ZBTB7C: variants seen among roughly 807,000 people sequenced by gnomAD.
ZBTB7C encodes the protein zinc finger and BTB domain containing 7C.
Under a neutral mutation model 25.7 loss-of-function variants are expected in ZBTB7C, and 8 were observed. The ratio of observed to expected loss-of-function variants is 0.31; its 90% CI spans 0.18 to 0.56. ZBTB7C has a LOEUF of 0.56. Among genes scored for constraint, ZBTB7C ranks in the 20% least tolerant of loss-of-function variants. The pLI is 0.91. For synonymous variants in ZBTB7C, 394 were observed against 369.0 expected (o/e 1.07, Z -0.78); for missense variants, 824 against 855.2 (o/e 0.96, Z 0.46).
intron 2 of ZBTB7C, among the ~76,000 whole-genome samples, chr18:48,322,076 C>A (rs545930911): frequency 4.0e-4 from 61 of 152,320 alleles, no homozygotes; most frequent in African/African-American, 1.4e-3. Flanking sequence ...CCTGCATAGC[C>A]CCAAACAAGA....
chr18:48,050,730 AG>A (rs2144242747), intron 3 of ZBTB7C, among the ~76,000 whole-genome samples: 1 of 152,172 alleles, frequency 6.6e-6, no homozygotes, highest in East Asian at 1.9e-4. Context: ...TTCTCATCCC[AG>A]TCACAGACAG....
rs941256667 is a variant in ZBTB7C at position 48,029,832 on chromosome 18, C to T, written c.1288G>A (p.Val430Met). ...TGGTTCTTGAGGTCGTAGTTGTGCA[C>T]GAACTTGGCGTTGCAGTGGATGCAC... is the stretch of plus-strand genomic sequence containing the variant. ...YLCIHCNAKF[V>M]HNYDLKNHMR... is the part of the protein sequence containing the mutation. The change falls in exon 5 of 5, where the codon GTG (valine) becomes ATG (methionine). Residue 430 changes from valine to methionine, a missense_variant. Physicochemically the swap from Val to Met is conservative, Grantham distance 21. Transcript: ENST00000590800. 2 of 1,610,004 alleles carry T rather than the reference C, an allele frequency of 1.2e-6. No individual in the cohort carries two copies. The highest frequency in any genetic ancestry group is 1.7e-6 in the Non-Finnish European group (2 of 1,180,000).
At chr18:48,166,673 G>A (rs76756216) in intron 3 of ZBTB7C, among the ~76,000 whole-genome samples, 2,457 of 152,292 alleles carry the variant, frequency 0.016, 47 homozygotes, top group African/African-American at 0.051. Flanking sequence ...GGAGTTTCCA[G>A]CAGGGAGACG....
intron 3 of ZBTB7C, chr18:48,136,941 C>T (rs1480699811): frequency 3.1e-6 from 3 of 973,888 alleles, no homozygotes; most frequent in African/African-American, 1.8e-5. Flanking sequence ...CCCCACGGCC[C>T]GGCCGCTGGG....
chr18:48,356,063 A>G (rs1298694570), intron 1 of ZBTB7C, among the ~76,000 whole-genome samples: 1 of 48 alleles, frequency 0.021, no homozygotes, highest in Non-Finnish European at 0.036. Context: ...GGTGGGGCCC[A>G]GCACCTGTTT....
At chr18:48,296,068 C>G (rs1292467451) in intron 2 of ZBTB7C, among the ~76,000 whole-genome samples, 2 of 152,224 alleles carry the variant, frequency 1.3e-5, no homozygotes, top group African/African-American at 4.8e-5. Context: ...CAGAGAGTTC[C>G]CTCCTGGGGC....
At chr18:48,242,557 A>G (rs2043558063) in intron 2 of ZBTB7C, among the ~76,000 whole-genome samples, 1 of 152,260 alleles carries the variant, frequency 6.6e-6, no homozygotes, top group Non-Finnish European at 1.5e-5. Context: ...ACACAAATCA[A>G]TAAATGTGAT....
intron 3 of ZBTB7C, among the ~76,000 whole-genome samples, chr18:48,117,618 T>C (rs953219645): frequency 2.0e-5 from 3 of 152,158 alleles, no homozygotes; most frequent in South Asian, 4.1e-4. Flanking sequence ...TTAACACTAG[T>C]AAAGCACTTA....
intron 3 of ZBTB7C, among the ~76,000 whole-genome samples, chr18:48,096,847 TG>T (rs1426180099): frequency 6.6e-6 from 1 of 152,208 alleles, no homozygotes; most frequent in Non-Finnish European, 1.5e-5. Context: ...TATCAAAGTT[TG>T]TGTTGGGTCT....
At chr18:48,276,052 C>T (rs1226272787) in intron 2 of ZBTB7C, among the ~76,000 whole-genome samples, 1 of 152,114 alleles carries the variant, frequency 6.6e-6, no homozygotes, top group Non-Finnish European at 1.5e-5. Flanking sequence ...GAAGACAGGG[C>T]AGATGACAAA....
At chr18:48,214,616 G>A (rs906424726) in intron 2 of ZBTB7C, among the ~76,000 whole-genome samples, 2 of 152,132 alleles carry the variant, frequency 1.3e-5, no homozygotes, top group African/African-American at 4.8e-5. Flanking sequence ...TCCCACCACT[G>A]CCATGACAGT....
intron 4 of ZBTB7C, among the ~76,000 whole-genome samples, chr18:48,036,967 A>G (rs969901217): frequency 4.6e-5 from 7 of 152,194 alleles, no homozygotes; most frequent in African/African-American, 1.7e-4. Flanking sequence ...TGGGGTGAGA[A>G]GCAAAGGCCC....
chr18:48,091,926 C>T (rs1338658849), intron 3 of ZBTB7C, among the ~76,000 whole-genome samples: 2 of 152,200 alleles, frequency 1.3e-5, no homozygotes, highest in African/African-American at 4.8e-5. Context: ...TCTCTTCACA[C>T]CCAACTCCTC....
intron 3 of ZBTB7C, chr18:48,149,903 C>T (rs1029919386): frequency 1.3e-5 from 2 of 151,066 alleles, no homozygotes; most frequent in Non-Finnish European, 2.9e-5. Flanking sequence ...TTCCGGGTTC[C>T]AGTGATTCTC....
chr18:48,392,106 A>C (rs1247051553), intron 1 of ZBTB7C, among the ~76,000 whole-genome samples: 1 of 152,208 alleles, frequency 6.6e-6, no homozygotes, highest in African/African-American at 2.4e-5. Context: ...GCAAAGGCTG[A>C]AAGGGAAGGC....
intron 3 of ZBTB7C, among the ~76,000 whole-genome samples, chr18:48,137,991 G>A (rs1224389006): frequency 6.6e-6 from 1 of 152,248 alleles, no homozygotes; most frequent in African/African-American, 2.4e-5. Context: ...GAACTGACTG[G>A]TCACCTGGAG....
intron 1 of ZBTB7C, among the ~76,000 whole-genome samples, chr18:48,399,057 A>G (rs919474324): frequency 1.3e-5 from 2 of 152,246 alleles, no homozygotes; most frequent in Non-Finnish European, 2.9e-5. Flanking sequence ...TGGTTAGATA[A>G]GTCAAGGTAT....
chr18:48,026,689 A>T lies in ZBTB7C; in HGVS notation c.*2571T>A, dbSNP rs1403007234. On this transcript the variant is annotated 3_prime_UTR_variant, in exon 5 of 5. Coordinates refer to ENST00000590800, the MANE Select transcript of ZBTB7C (RefSeq NM_001318841.2). ...CCAGGTCATTAAGCAAGCATAGCTC[A>T]CTTTTACTCAAAACACTGTCCTTTA... is the stretch of plus-strand genomic sequence containing the variant. 6.6e-6 allele frequency: 1 copy of T among 151,888 alleles called. No homozygotes were observed. Among genetic ancestry groups the T allele is most frequent in the Non-Finnish European group, 1.5e-5 (1 of 68,000 alleles). 9.4% of individuals were successfully genotyped at this position (151,888 alleles called of 1,614,324 possible).
At chr18:48,090,563 G>A (rs1460892564) in intron 3 of ZBTB7C, among the ~76,000 whole-genome samples, 1 of 152,210 alleles carries the variant, frequency 6.6e-6, no homozygotes, top group East Asian at 1.9e-4. Flanking sequence ...AAAGAGAGAA[G>A]CAGAGGACTG....
Sources: allele counts gnomAD v4.1 joint callset (sites outside exome capture counted in the v4.1 genomes callset), GRCh38; gene constraint gnomAD v4.1.1; transcripts MANE v1.5; gene names NCBI Gene and HGNC (gene_info 2026-07-23, HGNC 2026-07-21).